Variants in NME7 observed in about 807,000 individuals in gnomAD.
NME7 encodes NME/NM23 family member 7.
In NME7, 41 loss-of-function variants were observed where a neutral mutation model predicts 49.1. That is an observed-to-expected ratio of 0.83 (90% CI 0.65 to 1.08). NME7 has a LOEUF of 1.08. Ranked by LOEUF, NME7 falls within the 50% of genes least tolerant of loss-of-function variation. The pLI is 0.00. For missense variants in NME7, 423 were observed against 463.4 expected, an observed-to-expected ratio of 0.91 and a Z score of 0.80; for synonymous variants, 139 against 150.6, an observed-to-expected ratio of 0.92 and a Z score of 0.56.
chr1:169,234,037 T>C (rs1647754339), intron 9 of NME7, among the ~76,000 whole-genome samples: 1 of 152,104 alleles, frequency 6.6e-6, no homozygotes, highest in South Asian at 2.1e-4. Context: ...AAAATAGACA[T>C]ACAAGGCTGT....
chr1:169,308,121 G>T (rs959240705), intron 4 of NME7, among the ~76,000 whole-genome samples: 5 of 152,064 alleles, frequency 3.3e-5, no homozygotes, highest in Non-Finnish European at 7.4e-5. Context: ...AAGCAATCTG[G>T]TCTAAATACT....
At chr1:169,233,884 CCCTT>C (rs1445297132) in intron 9 of NME7, among the ~76,000 whole-genome samples, 1 of 152,186 alleles carries the variant, frequency 6.6e-6, no homozygotes, top group Middle Eastern at 3.4e-3. Context: ...TCTTCTCCCT[CCCTT>C]CCTTGTTTCC....
At chr1:169,364,972 T>C (rs1030097038) in intron 1 of NME7, among the ~76,000 whole-genome samples, 2 of 152,218 alleles carry the variant, frequency 1.3e-5, no homozygotes, top group Non-Finnish European at 2.9e-5. Flanking sequence ...GTCACAAGAT[T>C]TGTAACTTCA....
intron 10 of NME7, among the ~76,000 whole-genome samples, chr1:169,219,553 C>A (rs1007061220): frequency 2.8e-5 from 4 of 140,450 alleles, no homozygotes; most frequent in Non-Finnish European, 4.7e-5. Flanking sequence ...ACTAAGATAA[C>A]CTTTATCATA....
Position 169,307,567 on chromosome 1 carries a change from G to A in NME7, c.389+2403C>T, listed in dbSNP as rs547004956. On this transcript the variant is annotated intron_variant, in intron 4 of 11. Transcript: ENST00000367811. ...CTATGGTGCTCTTGAAGTGTTTGCT[G>A]GTTTTAGCATTTTTCTTCATGTGCT... Among the ~76,000 whole-genome samples the A allele has an allele frequency of 4.6e-5, 7 of 152,272 alleles. No homozygotes were observed. In the East Asian group the frequency reaches 1.3e-3, roughly 29 times the overall value.
At chr1:169,366,004 A>C (rs955569904) in intron 1 of NME7, among the ~76,000 whole-genome samples, 5 of 152,210 alleles carry the variant, frequency 3.3e-5, no homozygotes, top group Non-Finnish European at 5.9e-5. Flanking sequence ...GACATTTGAG[A>C]CAGATGTGTC....
intron 6 of NME7, among the ~76,000 whole-genome samples, 181 bp downstream of exon 6, chr1:169,298,375 A>C (rs1650794960): frequency 6.6e-6 from 1 of 152,198 alleles, no homozygotes; most frequent in South Asian, 2.1e-4. Context: ...TCAGGTTACC[A>C]GTTCACAAAG....
intron 3 of NME7, among the ~76,000 whole-genome samples, chr1:169,312,037 C>T (rs1317142620): frequency 2.6e-5 from 4 of 152,182 alleles, no homozygotes; most frequent in Non-Finnish European, 5.9e-5. Flanking sequence ...AAAGATATAT[C>T]AGTAGTATCT....
Position 169,367,780 on chromosome 1 carries a change from T to C in NME7, c.-70A>G, listed in dbSNP as rs1653944216. ...GAAGACACCACCACCACCACCATCA[T>C]ACGGTTACTCAGGCAACAAAGCCCC... On this transcript the variant is annotated 5_prime_UTR_variant, in exon 1 of 12. It removes an upstream start codon present in the reference 5' UTR. Transcript: ENST00000367811. 3.1e-6 allele frequency: 5 copies of C among 1,598,048 alleles called. No homozygotes were observed. Among genetic ancestry groups the C allele is most frequent in the Non-Finnish European group, 4.3e-6 (5 of 1,166,066 alleles).
chr1:169,133,380 C>T (rs1209070951), intron 11 of NME7, among the ~76,000 whole-genome samples: 1 of 152,200 alleles, frequency 6.6e-6, no homozygotes, highest in Admixed American at 6.5e-5. Flanking sequence ...CCTGTGCAGG[C>T]AGAGGAGCTC....
chr1:169,356,960 G>T (rs1307721263), intron 1 of NME7, among the ~76,000 whole-genome samples: 2 of 152,176 alleles, frequency 1.3e-5, no homozygotes, highest in Non-Finnish European at 2.9e-5. Context: ...CGTTCTTTCA[G>T]TCATTAGCCT....
At chr1:169,167,170 T>C (rs1331831723) in intron 11 of NME7, among the ~76,000 whole-genome samples, 1 of 151,828 alleles carries the variant, frequency 6.6e-6, no homozygotes, top group African/African-American at 2.4e-5. Context: ...AAAGGATGGA[T>C]GGATTTAGCC....
intron 6 of NME7, among the ~76,000 whole-genome samples, chr1:169,297,497 C>A (rs569021874): frequency 1.3e-5 from 2 of 152,298 alleles, no homozygotes; most frequent in South Asian, 2.1e-4. Flanking sequence ...ACACTGTCCT[C>A]TTTGCTGTTA....
In NME7 at chr1:169,323,150, T is replaced by C. The variant is rs891804957; in HGVS notation, c.245A>G (p.Tyr82Cys). ...QLVLIDYGDQ[Y>C]TARQLGSRKE... is the part of the protein sequence containing the mutation. ...CCTACTGCCCAGCTGGCGAGCTGTA[T>C]ATTGATCCCCATAGTCAATTAATAC... The change falls in exon 3 of 12, where the codon TAT becomes TGT. Residue 82 changes from tyrosine to cysteine, a missense_variant. By Grantham distance (194) the Tyr-to-Cys change is radical. Transcript: ENST00000367811. The C allele has an allele frequency of 6.2e-7, 1 of 1,605,882 alleles. No homozygotes were observed. Among genetic ancestry groups the C allele is most frequent in the Non-Finnish European group, 8.5e-7 (1 of 1,176,784 alleles).
chr1:169,283,148 T>C (rs1377871565), intron 7 of NME7, among the ~76,000 whole-genome samples: 1 of 152,198 alleles, frequency 6.6e-6, no homozygotes, highest in Non-Finnish European at 1.5e-5. Context: ...GGTGCATACA[T>C]ATTTAGGATA....
intron 3 of NME7, among the ~76,000 whole-genome samples, chr1:169,318,938 A>G (rs1385582880): frequency 6.6e-6 from 1 of 152,082 alleles, no homozygotes; most frequent in African/African-American, 2.4e-5. Context: ...ACAGAATAAT[A>G]ATTTTTAAAG....
At position 169,298,776 on chromosome 1, in the gene NME7, T is replaced by C. The variant is rs374614839; in HGVS notation, c.441-13A>G. 13 of 1,606,528 alleles carry C rather than the reference T, an allele frequency of 8.1e-6. No individual in the cohort carries two copies. The highest frequency in any genetic ancestry group is 5.4e-5 in the African/African-American group (4 of 74,634). ...CTGGATCAGCTCACTACAAAACAGA[T>C]AGAAGATTAGTTTGCTTCTTTTTTC... is the stretch of plus-strand genomic sequence containing the variant. On this transcript the variant is annotated splice_polypyrimidine_tract_variant and intron_variant, in intron 5 of 11. Transcript: ENST00000367811.
intron 8 of NME7, 46 bp from the exon 9 acceptor site, chr1:169,235,245 A>G: frequency 9.9e-7 from 1 of 1,009,820 alleles, no homozygotes; most frequent in Non-Finnish European, 1.4e-6. Context: ...CCAACCAACA[A>G]AAGGGAAATA....
At chr1:169,224,948 G>A (rs193004692) in intron 10 of NME7, among the ~76,000 whole-genome samples, 2 of 152,256 alleles carry the variant, frequency 1.3e-5, no homozygotes, top group Admixed American at 1.3e-4. Flanking sequence ...TTCTGTCTGA[G>A]GGTGGTGGGA....
Sources: gnomAD v4.1 joint callset for allele counts (sites outside exome capture counted in the v4.1 genomes callset) on GRCh38, gnomAD v4.1.1 for gene constraint, MANE v1.5 for transcripts, NCBI Gene and HGNC (gene_info 2026-07-23, HGNC 2026-07-21) for gene names.